COL14A1: variants seen among roughly 807,000 people sequenced by gnomAD.
COL14A1 encodes collagen type XIV alpha 1 chain.
In COL14A1, 136 loss-of-function variants were observed where a neutral mutation model predicts 230.3. The observed-to-expected ratio is 0.59, with a 90% CI of 0.51 to 0.68. The LOEUF (loss-of-function observed/expected upper bound fraction) is 0.68. COL14A1 is among the 30% of genes least tolerant of loss of function. COL14A1 has a pLI of 0.00. For synonymous variants in COL14A1, 792 were observed against 784.1 expected (o/e 1.01, Z -0.17); for missense variants, 1,976 against 2,215.8 (o/e 0.89, Z 2.17).
At chr8:120,276,195 A>G (rs1052147350) in intron 26 of COL14A1, among the ~76,000 whole-genome samples, 7 of 151,426 alleles carry the variant, frequency 4.6e-5, no homozygotes, top group African/African-American at 1.5e-4. Context: ...ATAAAAAAGA[A>G]CAAAGTAATG....
At chr8:120,300,597 G>A in intron 35 of COL14A1, 135 bp from the exon 36 acceptor site, 1 of 693,438 alleles carries the variant, frequency 1.4e-6, no homozygotes, top group Non-Finnish European at 2.5e-6. Context: ...GTAATCAGGA[G>A]TGAATATTCT....
In COL14A1 at chr8:120,372,561, C is replaced by T. The variant is rs1387275123; in HGVS notation, c.*1330C>T. Among the ~76,000 whole-genome samples, 1 of 152,044 alleles carries T rather than the reference C, an allele frequency of 6.6e-6. No individual in the cohort carries two copies. The highest frequency in any genetic ancestry group is 1.5e-5 in the Non-Finnish European group (1 of 68,018). On this transcript the variant is annotated 3_prime_UTR_variant, in exon 48 of 48. Transcript: ENST00000297848. ...ACGTGCTCCTTCTCTGTAACATCTC[C>T]CTAGTAACAGCTAACTTTAGAAAGT...
At chr8:120,344,092 G>A (rs890993030) in intron 44 of COL14A1, among the ~76,000 whole-genome samples, 3 of 152,140 alleles carry the variant, frequency 2.0e-5, no homozygotes, top group Non-Finnish European at 4.4e-5. Flanking sequence ...AAGTCATCAA[G>A]GGATTGGTTA....
At chr8:120,336,049 A>T (rs1822059310) in intron 42 of COL14A1, among the ~76,000 whole-genome samples, 1 of 152,236 alleles carries the variant, frequency 6.6e-6, no homozygotes, top group Non-Finnish European at 1.5e-5. Flanking sequence ...TTCATTTAAA[A>T]TATTTAGGGA....
In COL14A1 at chr8:120,243,971, T is replaced by A; in HGVS notation, c.2442T>A (p.Asp814Glu). ...TCACAGTGACTCCCATCTACACGGA[T>A]GGCGAAGGCGTCAGCGTCTCCGCTC... ...YKVTVTPIYT[D>E]GEGVSVSAPG... Residue 814 changes from aspartate to glutamate, a missense_variant, in exon 20 of 48, where the codon GAT becomes GAA. Asp to Glu is a conservative substitution (Grantham distance 45). Transcript: ENST00000297848. 2 of 1,613,584 alleles carry A rather than the reference T, an allele frequency of 1.2e-6. No homozygotes were observed. Among genetic ancestry groups the A allele is most frequent in the Non-Finnish European group, 1.7e-6 (2 of 1,179,622 alleles).
chr8:120,297,444 CAT>C (rs1001869075), intron 34 of COL14A1, 65 bp from the exon 35 acceptor site: 68 of 792,726 alleles, frequency 8.6e-5, no homozygotes, highest in Admixed American at 8.0e-5. Flanking sequence ...TAATACATAA[CAT>C]AAAATCATTA....
chr8:120,334,546 G>A (rs1245557617), intron 42 of COL14A1, among the ~76,000 whole-genome samples: 2 of 147,832 alleles, frequency 1.4e-5, no homozygotes, highest in Admixed American at 6.8e-5. Context: ...AAACCCACAT[G>A]TGTGAACACA....
intron 47 of COL14A1, chr8:120,370,346 C>T (rs1387645827): frequency 6.2e-7 from 1 of 1,612,198 alleles, no homozygotes; most frequent in Non-Finnish European, 8.5e-7. Flanking sequence ...ATCTGATCCC[C>T]TACAATGATT....
intron 42 of COL14A1, among the ~76,000 whole-genome samples, chr8:120,338,749 G>A (rs537123768): frequency 3.3e-5 from 5 of 152,278 alleles, no homozygotes; most frequent in African/African-American, 4.8e-5. Flanking sequence ...AGTATTTAGA[G>A]TGTCATAATG....
intron 19 of COL14A1, among the ~76,000 whole-genome samples, chr8:120,239,621 C>G (rs984305110): frequency 3.3e-5 from 5 of 152,108 alleles, no homozygotes; most frequent in African/African-American, 1.2e-4. Flanking sequence ...GATTGAATTA[C>G]AAATTCACTC....
intron 1 of COL14A1, among the ~76,000 whole-genome samples, chr8:120,125,820 T>C (rs1252928957): frequency 6.6e-6 from 1 of 152,152 alleles, no homozygotes; most frequent in African/African-American, 2.4e-5. Flanking sequence ...GAGCTGCTGA[T>C]GGAGATCATA....
chr8:120,167,851 T>G lies in COL14A1; in HGVS notation c.350-310T>G, dbSNP rs532604053. On this transcript the variant is annotated intron_variant, in intron 4 of 47. Transcript: ENST00000297848. ...AGGTGTTAGCTTTCTGGTTCTTCAT[T>G]CCCTCATGTATAAGCTAGGGATAAT... Among the ~76,000 whole-genome samples, 8 of 152,292 alleles carry G rather than the reference T, an allele frequency of 5.3e-5. No homozygotes were observed. The South Asian group carries it at 1.7e-3, about 32-fold the overall frequency.
intron 38 of COL14A1, among the ~76,000 whole-genome samples, chr8:120,315,138 G>A (rs1003097330): frequency 6.6e-6 from 1 of 152,152 alleles, no homozygotes; most frequent in African/African-American, 2.4e-5. Context: ...GGGAGGCCGA[G>A]GCAGGCAGAT....
chr8:120,198,312 C>G (rs1182387497), intron 7 of COL14A1, among the ~76,000 whole-genome samples: 1 of 152,088 alleles, frequency 6.6e-6, no homozygotes, highest in Non-Finnish European at 1.5e-5. Flanking sequence ...TTTCTTTGCC[C>G]TTATTCTGCA....
chr8:120,175,685 G>A (rs1187857232), intron 5 of COL14A1, among the ~76,000 whole-genome samples: 3 of 152,124 alleles, frequency 2.0e-5, no homozygotes, highest in Non-Finnish European at 4.4e-5. Context: ...TCAGAGTTGA[G>A]TATTTGCAAC....
At chr8:120,291,879 C>G (rs1820387744) in intron 34 of COL14A1, among the ~76,000 whole-genome samples, 2 of 152,200 alleles carry the variant, frequency 1.3e-5, no homozygotes, top group South Asian at 4.2e-4. Context: ...ATAAATGCCT[C>G]AAAATAGAAA....
intron 1 of COL14A1, among the ~76,000 whole-genome samples, chr8:120,138,917 G>A (rs1449396663): frequency 2.0e-5 from 3 of 152,120 alleles, no homozygotes; most frequent in Non-Finnish European, 2.9e-5. Context: ...AAGTAGATAT[G>A]AACATATATA....
At chr8:120,355,673 G>A (rs1281803351) in intron 45 of COL14A1, among the ~76,000 whole-genome samples, 2 of 151,612 alleles carry the variant, frequency 1.3e-5, no homozygotes, top group African/African-American at 2.4e-5. Flanking sequence ...ACCCCGCCTC[G>A]GCCTCACAAA....
chr8:120,303,820 C>G (rs1316514769), intron 36 of COL14A1, among the ~76,000 whole-genome samples: 1 of 152,098 alleles, frequency 6.6e-6, no homozygotes, highest in Admixed American at 6.6e-5. Context: ...ATGTTACCAG[C>G]TCTTCTTTGT....
Sources: gnomAD v4.1 joint callset for allele counts (sites outside exome capture counted in the v4.1 genomes callset) on GRCh38, gnomAD v4.1.1 for gene constraint, MANE v1.5 for transcripts, NCBI Gene and HGNC (gene_info 2026-07-23, HGNC 2026-07-21) for gene names.